The following COL5A2 variants were observed in gnomAD, a reference collection of about 807,000 sequenced individuals.
COL5A2 encodes collagen type V alpha 2 chain.
Under a neutral mutation model 208.2 loss-of-function variants are expected in COL5A2, and 23 were observed. The ratio of observed to expected loss-of-function variants is 0.11; its 90% CI spans 0.08 to 0.16. The LOEUF is 0.16. COL5A2 is among the 10% of genes least tolerant of loss of function. The pLI is 1.00. For synonymous variants in COL5A2, 625 were observed against 628.5 expected, an observed-to-expected ratio of 0.99 and a Z score of 0.08; for missense variants, 1,590 against 1,956.4, an observed-to-expected ratio of 0.81 and a Z score of 3.53.
chr2:189,063,113 A>G lies in COL5A2; in HGVS notation c.1870-50T>C, dbSNP rs375298494. 58 of 1,611,208 alleles carry G rather than the reference A, an allele frequency of 3.6e-5. No individual in the cohort carries two copies. In the African/African-American group the frequency reaches 6.9e-4, roughly 19 times the overall value. On this transcript the variant is annotated intron_variant, in intron 27 of 53. Transcript: ENST00000374866. ...ATAATTCCTTCAATTTGTCAAAAAC[A>G]TACCTCCTCCAAATGAGGATCATGA... is the stretch of plus-strand genomic sequence containing the variant.
the COL5A2 span, among the ~76,000 whole-genome samples, chr2:189,292,471 G>C: frequency 1.1e-4 from 16 of 152,118 alleles, no homozygotes; most frequent in Admixed American, 8.5e-4. Flanking sequence ...CTCAAAAGAA[G>C]ACATTTATGC....
At chr2:189,153,740 T>C (rs543245735) in intron 1 of COL5A2, among the ~76,000 whole-genome samples, 2 of 152,168 alleles carry the variant, frequency 1.3e-5, no homozygotes, top group African/African-American at 4.8e-5. Context: ...TGGTTTCTGC[T>C]TGCCTTGCTT....
In COL5A2 at chr2:189,112,037, T is replaced by C. The variant is rs111283665; in HGVS notation, c.98-1588A>G. 7.2e-3 allele frequency among the ~76,000 whole-genome samples: 1,094 copies of C among 152,188 alleles called. 14 individuals carry two copies. Among genetic ancestry groups the C allele is most frequent in the African/African-American group, 0.024 (1,011 of 41,532 alleles). ...CCTGCCACCATGCCCAGCGAATTTTTGTTTTAGTGGAGACGGGGTTTCGCC... is the reference window on the plus strand; with the variant it reads ...CCTGCCACCATGCCCAGCGAATTTTCGTTTTAGTGGAGACGGGGTTTCGCC... On this transcript the variant is annotated intron_variant, in intron 1 of 53. Coordinates refer to ENST00000374866, the MANE Select transcript of COL5A2 (RefSeq NM_000393.5).
At chr2:189,233,430 GTAAA>G in the COL5A2 span, among the ~76,000 whole-genome samples, 3 of 151,684 alleles carry the variant, frequency 2.0e-5, no homozygotes, top group East Asian at 5.8e-4. Context: ...TGTAAATGCT[GTAAA>G]TAGTCAACTA....
At chr2:189,179,805 T>G, upstream of COL5A2, 1 of 743,880 alleles carries the variant, frequency 1.3e-6, no homozygotes, top group Non-Finnish European at 2.2e-6. Flanking sequence ...GGAAGAATGC[T>G]GCCTCCACTT....
rs1685508284 is a variant in COL5A2 at position 189,039,318 on chromosome 2, G to A, written c.3879C>T (p.Ala1293=). ...AAAGCTTTAGGTCATCACACGTGCGGGCTGGGTGCTTTTTCGAGCCATCGG... is the reference window on the plus strand; with the variant it reads ...AAAGCTTTAGGTCATCACACGTGCGAGCTGGGTGCTTTTTCGAGCCATCGG... The part of the protein sequence containing the change: ...RSPDGSKKHP[A]RTCDDLKLCH... Residue 1293 remains alanine, a synonymous_variant, in exon 51 of 54, where the codon GCC becomes GCT. Coordinates refer to ENST00000374866, the MANE Select transcript of COL5A2 (RefSeq NM_000393.5). 1.2e-6 allele frequency: 2 copies of A among 1,614,040 alleles called. No individual in the cohort carries two copies. Among genetic ancestry groups the A allele is most frequent in the Non-Finnish European group, 8.5e-7 (1 of 1,180,006 alleles).
chr2:189,293,748 TC>T, the COL5A2 span, among the ~76,000 whole-genome samples: 2 of 152,124 alleles, frequency 1.3e-5, no homozygotes, highest in Admixed American at 6.5e-5. Context: ...TTCTTAGACT[TC>T]CCAGCCTTTG....
At chr2:189,240,570 T>C in the COL5A2 span, among the ~76,000 whole-genome samples, 1 of 152,212 alleles carries the variant, frequency 6.6e-6, no homozygotes, top group Non-Finnish European at 1.5e-5. Context: ...AATGAGATCA[T>C]GCCTGTAAAG....
intron 31 of COL5A2, among the ~76,000 whole-genome samples, chr2:189,060,283 T>C (rs1253623060): frequency 6.6e-6 from 1 of 152,158 alleles, no homozygotes; most frequent in Non-Finnish European, 1.5e-5. Flanking sequence ...AAGGTCCAAA[T>C]CCATTTTGTT....
At chr2:189,221,087 C>A (rs1287975389) in intron 1 of COL5A2, among the ~76,000 whole-genome samples, 1 of 152,082 alleles carries the variant, frequency 6.6e-6, no homozygotes, top group Non-Finnish European at 1.5e-5. Flanking sequence ...TCTAGAATTG[C>A]AACTAAAAAT....
chr2:189,057,101 G>A, intron 34 of COL5A2, 75 bp from the exon 35 acceptor site: 1 of 1,483,412 alleles, frequency 6.7e-7, no homozygotes, highest in Non-Finnish European at 9.4e-7. Context: ...TTTCATGAGA[G>A]TGAAGGCTAA....
intron 14 of COL5A2, 72 bp downstream of exon 14, chr2:189,079,905 GA>G (rs1686493278): frequency 1.9e-5 from 25 of 1,298,950 alleles, no homozygotes; most frequent in Non-Finnish European, 2.8e-5. Context: ...AGGTGGTTCT[GA>G]AAAATGTGTA....
In COL5A2 at chr2:189,208,774, A is replaced by C. The variant is rs76271117; in HGVS notation, c.-42+16374T>G. Among the ~76,000 whole-genome samples, 23 of 152,332 alleles carry C rather than the reference A, an allele frequency of 1.5e-4. No individual in the cohort carries two copies. The East Asian group carries it at 4.0e-3, about 27-fold the overall frequency. ...TATTGAGCTATTGATTCTCATTTTG[A>C]ATCCATACTTCTGTACCCTGTTCTG... is the stretch of plus-strand genomic sequence containing the variant. On this transcript the variant is annotated intron_variant, in intron 1 of 10. Coordinates refer to the COL5A2 transcript ENST00000649966.
intron 29 of COL5A2, among the ~76,000 whole-genome samples, chr2:189,062,063 C>A (rs1055346729): frequency 1.3e-5 from 2 of 151,628 alleles, no homozygotes; most frequent in African/African-American, 4.8e-5. Flanking sequence ...AACTGCCCCA[C>A]CCCCCCAAAA....
chr2:189,234,641 C>T, the COL5A2 span, among the ~76,000 whole-genome samples: 1 of 151,784 alleles, frequency 6.6e-6, no homozygotes, highest in Non-Finnish European at 1.5e-5. Flanking sequence ...GAGAGTACAG[C>T]AGGAGGTGAA....
chr2:189,185,510 T>C (rs1244064755), intron 1 of COL5A2, among the ~76,000 whole-genome samples: 1 of 152,194 alleles, frequency 6.6e-6, no homozygotes, highest in East Asian at 1.9e-4. Flanking sequence ...AAATAACATT[T>C]CTGCTGGATT....
chr2:189,137,718 T>C (rs1687853304), intron 1 of COL5A2, among the ~76,000 whole-genome samples: 1 of 152,092 alleles, frequency 6.6e-6, no homozygotes, highest in Non-Finnish European at 1.5e-5. Context: ...GATGGGTAGA[T>C]GGGCTGTTGA....
chr2:189,427,758 T>C, the COL5A2 span, among the ~76,000 whole-genome samples: 1 of 152,178 alleles, frequency 6.6e-6, no homozygotes, highest in Non-Finnish European at 1.5e-5. Context: ...TTTAATTACT[T>C]TAAGCTCTCA....
At chr2:189,393,601 T>A in the COL5A2 span, among the ~76,000 whole-genome samples, 4 of 152,292 alleles carry the variant, frequency 2.6e-5, no homozygotes, top group Non-Finnish European at 4.4e-5. Flanking sequence ...ATGCTGTTTA[T>A]AACAGGGAGA....
Sources: gnomAD v4.1 joint callset for allele counts (sites outside exome capture counted in the v4.1 genomes callset) on GRCh38, gnomAD v4.1.1 for gene constraint, MANE v1.5 for transcripts, NCBI Gene and HGNC (gene_info 2026-07-23, HGNC 2026-07-21) for gene names.